KCNJ9: variants seen among roughly 807,000 people sequenced by gnomAD.
KCNJ9 encodes the protein G protein-activated inward rectifier potassium channel 3.
A neutral mutation model predicts 27.9 loss-of-function variants in KCNJ9; 18 were observed. The ratio of observed to expected loss-of-function variants is 0.65; its 90% confidence interval spans 0.45 to 0.96. KCNJ9 has a LOEUF of 0.96. Among genes scored for constraint, KCNJ9 ranks in the 40% least tolerant of loss-of-function variants. The pLI, the probability that KCNJ9 is intolerant of heterozygous loss-of-function variation, is 0.00. For synonymous variants in KCNJ9, 229 were observed against 248.2 expected, an observed-to-expected ratio of 0.92 and a Z score of 0.73; for missense variants, 324 against 557.5, an observed-to-expected ratio of 0.58 and a Z score of 4.22.
chr1:160,084,439 GTGCTGC>G lies in KCNJ9; in HGVS notation c.419_424del (p.Leu140_Leu141del). The G allele has an allele frequency of 6.2e-7, 1 of 1,613,552 alleles. No individual in the cohort carries two copies. Among genetic ancestry groups the G allele is most frequent in the Non-Finnish European group, 8.5e-7 (1 of 1,179,842 alleles). The stretch of plus-strand genomic sequence containing the variant: ...CACCGACCAGTGCCCCGAGGGCATC[GTGCTGC>G]TGCTGCTGCAGGCCATCCTGGGCTC... On this transcript the variant is annotated inframe_deletion, in exon 2 of 3. Coordinates refer to ENST00000368088, the MANE Select transcript of KCNJ9 (RefSeq NM_004983.3).
chr1:160,088,699 G>A lies in KCNJ9; in HGVS notation c.*882G>A, dbSNP rs1366899149. The A allele has an allele frequency of 2.6e-5, 4 of 152,340 alleles. No individual in the cohort carries two copies. The highest frequency in any genetic ancestry group is 4.4e-5 in the Non-Finnish European group (3 of 68,136). The allele number at this position is 152,340 out of a possible 1,614,324, so 9.4% of individuals were successfully genotyped here. A position where few individuals can be genotyped will look rare whatever the true frequency, so the allele number is the denominator to read the frequency against. On this transcript the variant is annotated 3_prime_UTR_variant, in exon 3 of 3. Transcript: ENST00000368088. ...AGATCTAGAAAGTGGGTTCACTAGA[G>A]CTGGGAAACAGGGAGCCCCTAGGAA...
At chr1:160,082,904 C>T (rs1019594935) in intron 1 of KCNJ9, among the ~76,000 whole-genome samples, 2 of 149,888 alleles carry the variant, frequency 1.3e-5, no homozygotes, top group Non-Finnish European at 3.0e-5. Flanking sequence ...AGGTGGGCTT[C>T]GCTTGGAATG....
intron 2 of KCNJ9, among the ~76,000 whole-genome samples, 177 bp from the exon 3 acceptor site, chr1:160,087,309 C>T (rs1014562129): frequency 3.3e-5 from 5 of 151,498 alleles, no homozygotes; most frequent in Admixed American, 6.6e-5. Flanking sequence ...GGAGAAGACA[C>T]GAGGGAGCTG....
At position 160,084,148 on chromosome 1, in the gene KCNJ9, G is replaced by T; in HGVS notation, c.118G>T (p.Glu40Ter). Residue 40 changes from glutamate to a stop codon, truncating the protein, a stop_gained, in exon 2 of 3, where the codon GAG becomes TAG. Transcript: ENST00000368088. LOFTEE classifies it high-confidence loss of function. ...RCNVQQGNVR[E>*]TYRYLTDLFT... ...CAACGTGCAGCAGGGCAACGTGCGC[G>T]AGACATACCGCTACCTGACGGACCT... 3 of 1,585,364 alleles carry T rather than the reference G, an allele frequency of 1.9e-6. No individual in the cohort carries two copies. The highest frequency in any genetic ancestry group is 1.7e-6 in the Non-Finnish European group (2 of 1,165,594).
rs1557981795 is a variant in KCNJ9 at position 160,088,025 on chromosome 1, G to A, written c.*208G>A. The A allele has an allele frequency of 6.8e-6, 3 of 442,630 alleles. No homozygotes were observed. The highest frequency in any genetic ancestry group is 4.0e-5 in the African/African-American group (2 of 49,752). 27.4% of individuals were successfully genotyped at this position (442,630 alleles called of 1,614,324 possible). A position where few individuals can be genotyped will look rare whatever the true frequency, so the allele number is the denominator to read the frequency against. On this transcript the variant is annotated 3_prime_UTR_variant, in exon 3 of 3. Transcript: ENST00000368088. Reference sequence around the variant, plus strand: ...TCCTGATTTCAGGGAAATGGAGGGTGGGGCCGGGTGAAAATGCCAGTCTGT... The same window carrying A: ...TCCTGATTTCAGGGAAATGGAGGGTAGGGCCGGGTGAAAATGCCAGTCTGT...
In KCNJ9 at chr1:160,084,498, C is replaced by G; in HGVS notation, c.468C>G (p.Cys156Trp). ...TGGTGAACGCCTTCATGGTGGGCTG[C>G]ATGTTCGTCAAGATCTCGCAGCCCA... Reference protein sequence around the residue: ...GSMVNAFMVGCMFVKISQPNK... With the variant: ...GSMVNAFMVGWMFVKISQPNK... The change falls in exon 2 of 3, where the codon TGC becomes TGG. Residue 156 changes from cysteine to tryptophan, a missense_variant. By Grantham distance (215) the Cys-to-Trp change is radical. Coordinates refer to ENST00000368088, the MANE Select transcript of KCNJ9 (RefSeq NM_004983.3). 1 of 1,613,478 alleles carries G rather than the reference C, an allele frequency of 6.2e-7. No homozygotes were observed. The highest frequency in any genetic ancestry group is 8.5e-7 in the Non-Finnish European group (1 of 1,179,898).
chr1:160,083,367 C>T (rs7512837), intron 1 of KCNJ9, among the ~76,000 whole-genome samples: 60,013 of 152,010 alleles, frequency 0.39, 12,384 homozygotes, highest in South Asian at 0.52. Flanking sequence ...GGGAATGGAG[C>T]GGAGTGAGTG....
chr1:160,087,225 GC>G (rs1449252115), intron 2 of KCNJ9, among the ~76,000 whole-genome samples: 1 of 152,140 alleles, frequency 6.6e-6, no homozygotes, highest in Non-Finnish European at 1.5e-5. Flanking sequence ...TCAAGGTTAA[GC>G]TTTTTTTGGT....
At chr1:160,082,125 A>T (rs894877458) in intron 1 of KCNJ9, among the ~76,000 whole-genome samples, 3 of 152,230 alleles carry the variant, frequency 2.0e-5, no homozygotes, top group African/African-American at 7.2e-5. Flanking sequence ...GTGATCCGAC[A>T]TCGGGGTTCC....
At position 160,087,468 on chromosome 1, in the gene KCNJ9, C is replaced by T. The variant is rs200270735; in HGVS notation, c.851-18C>T. The T allele has an allele frequency of 2.8e-4, 440 of 1,576,500 alleles. 2 individuals carry two copies. Among genetic ancestry groups the T allele is most frequent in the Middle Eastern group, 2.2e-3 (13 of 5,900 alleles). On this transcript the variant is annotated intron_variant, in intron 2 of 2. Coordinates refer to ENST00000368088, the MANE Select transcript of KCNJ9 (RefSeq NM_004983.3). ...GCCTGGAGCTGAGATTCCCCCTGAC[C>T]GGTGCCCCTCCTCCCAGGAATGACA...
chr1:160,086,446 T>C (rs1649778644), intron 2 of KCNJ9, among the ~76,000 whole-genome samples: 1 of 152,084 alleles, frequency 6.6e-6, no homozygotes, highest in Admixed American at 6.5e-5. Flanking sequence ...TCTAGAGAGA[T>C]AAAGCTGGAA....
In KCNJ9 at chr1:160,084,894, T is replaced by C. The variant is rs1360451496; in HGVS notation, c.850+14T>C. ...TGGAAGCCACGGGTGCGAGCAGGCCTGGGGAGGGGAGCGGGGTTGGCAGAG... is the reference window on the plus strand; with the variant it reads ...TGGAAGCCACGGGTGCGAGCAGGCCCGGGGAGGGGAGCGGGGTTGGCAGAG... On this transcript the variant is annotated intron_variant, in intron 2 of 2. Coordinates refer to ENST00000368088, the MANE Select transcript of KCNJ9 (RefSeq NM_004983.3). 1.5e-6 allele frequency: 2 copies of C among 1,315,262 alleles called. No individual in the cohort carries two copies. Among genetic ancestry groups the C allele is most frequent in the South Asian group, 2.5e-5 (2 of 78,652 alleles). 81.5% of individuals were successfully genotyped at this position (1,315,262 alleles called of 1,614,324 possible). A position where few individuals can be genotyped will look rare whatever the true frequency, so the allele number is the denominator to read the frequency against.
chr1:160,085,448 G>A (rs1439561554), intron 2 of KCNJ9, among the ~76,000 whole-genome samples: 1 of 152,206 alleles, frequency 6.6e-6, no homozygotes, highest in African/African-American at 2.4e-5. Flanking sequence ...TCAGGTTCAG[G>A]CCCCTGGAAT....
Position 160,088,203 on chromosome 1 carries a change from T to G in KCNJ9, c.*386T>G, listed in dbSNP as rs967555511. 68 of 186,128 alleles carry G rather than the reference T, an allele frequency of 3.7e-4. No homozygotes were observed. The highest frequency in any genetic ancestry group is 2.5e-3 in the South Asian group (13 of 5,154). The allele number at this position is 186,128 out of a possible 1,614,324, so 11.5% of individuals were successfully genotyped here. The stretch of plus-strand genomic sequence containing the variant: ...TCCACTCAGGGCTGCCACTAACCTG[T>G]AGAACACCCCTGTGCAAATTTTAAA... On this transcript the variant is annotated 3_prime_UTR_variant, in exon 3 of 3. Transcript: ENST00000368088.
intron 2 of KCNJ9, 35 bp from the exon 3 acceptor site, chr1:160,087,451 C>T: frequency 6.4e-7 from 1 of 1,556,516 alleles, no homozygotes; most frequent in South Asian, 1.2e-5. Flanking sequence ...AAGCCTGGAG[C>T]TGAGATTCCC....
At chr1:160,082,556 C>A (rs1649701414) in intron 1 of KCNJ9, among the ~76,000 whole-genome samples, 1 of 152,180 alleles carries the variant, frequency 6.6e-6, no homozygotes, top group Non-Finnish European at 1.5e-5. Context: ...GACCTCACCC[C>A]AGAACATAAG....
chr1:160,087,422 G>A, intron 2 of KCNJ9, 64 bp from the exon 3 acceptor site: 2 of 1,531,320 alleles, frequency 1.3e-6, no homozygotes, highest in Non-Finnish European at 1.8e-6. Context: ...TAGGGTTGTG[G>A]AATGAGAAGA....
At chr1:160,086,020 C>T (rs1294529123) in intron 2 of KCNJ9, among the ~76,000 whole-genome samples, 1 of 152,200 alleles carries the variant, frequency 6.6e-6, no homozygotes, top group Non-Finnish European at 1.5e-5. Context: ...GCTGTCACTC[C>T]TTTTCTGCCA....
rs1226347222 is a variant in KCNJ9 at position 160,084,826 on chromosome 1, G to C, written c.796G>C (p.Glu266Gln). 1.3e-5 allele frequency: 20 copies of C among 1,547,282 alleles called. No individual in the cohort carries two copies. Among genetic ancestry groups the C allele is most frequent in the Non-Finnish European group, 1.6e-5 (18 of 1,145,416 alleles). The change falls in exon 2 of 3, where the codon GAG (glutamate) becomes CAG (glutamine). Residue 266 changes from glutamate to glutamine, a missense_variant. Glu to Gln is a conservative substitution (Grantham distance 29, BLOSUM62 2). This residue lies in a region of KCNJ9 where 241 missense variants were observed against 481.7 expected (regional missense o/e 0.50). Coordinates refer to ENST00000368088, the MANE Select transcript of KCNJ9 (RefSeq NM_004983.3). ...PFWEASRRAL[E>Q]RDDFEIVVIL... ...CTGGGAGGCGTCGCGCCGTGCCCTC[G>C]AGAGGGACGACTTCGAGATCGTCGT...
Sources: allele counts gnomAD v4.1 joint callset (sites outside exome capture counted in the v4.1 genomes callset), GRCh38; gene constraint gnomAD v4.1.1; regional missense constraint gnomAD v4.1.1; transcripts MANE v1.5; gene names NCBI Gene and HGNC (gene_info 2026-07-23, HGNC 2026-07-21).